The following CCNY variants were observed in gnomAD, a reference collection of about 807,000 sequenced individuals.
CCNY encodes the protein cyclin-Y.
In CCNY, 19 loss-of-function variants were observed where a neutral mutation model predicts 42.8. The observed-to-expected ratio is 0.44, with a 90% CI of 0.31 to 0.65. The LOEUF is 0.65. Among genes scored for constraint, CCNY ranks in the 30% least tolerant of loss-of-function variants. The pLI, the probability that CCNY is intolerant of heterozygous loss-of-function variation, is 0.07. For synonymous variants in CCNY, 165 were observed against 162.7 expected (o/e 1.01, Z -0.11); for missense variants, 370 against 437.3 (o/e 0.85, Z 1.37).
intron 2 of CCNY, among the ~76,000 whole-genome samples, chr10:35,488,732 G>A (rs1029937245): frequency 1.3e-5 from 2 of 152,026 alleles, no homozygotes; most frequent in Non-Finnish European, 2.9e-5. Flanking sequence ...GATTATAAAC[G>A]TTGATATTTT....
intron 3 of CCNY, among the ~76,000 whole-genome samples, chr10:35,257,205 T>TCCC (rs1167485639): frequency 8.4e-6 from 1 of 118,794 alleles, no homozygotes; most frequent in Admixed American, 7.8e-5. Flanking sequence ...TCTTTTTTCT[T>TCCC]TTCTTTTCTC....
chr10:35,515,582 C>G (rs902273310), intron 3 of CCNY, among the ~76,000 whole-genome samples: 1 of 152,148 alleles, frequency 6.6e-6, no homozygotes. Flanking sequence ...ACATTGTGAT[C>G]CCCAAGGGAT....
rs184990416 is a variant in CCNY at position 35,267,662 on chromosome 10, A to G, written c.-9+17036A>G. On this transcript the variant is annotated intron_variant, in intron 3 of 11. Transcript: ENST00000374706. ...CTGGTTGCTCCCTCTTGTGACAGAA[A>G]ACACTGCTTCCAAGTATCGATTCCC... is the stretch of plus-strand genomic sequence containing the variant. Among the ~76,000 whole-genome samples the G allele has an allele frequency of 3.3e-5, 5 of 152,268 alleles. No homozygotes were observed. In the East Asian group the frequency reaches 9.7e-4, roughly 29 times the overall value.
chr10:35,310,475 G>C (rs948491195), intron 3 of CCNY, among the ~76,000 whole-genome samples: 3 of 152,104 alleles, frequency 2.0e-5, no homozygotes, highest in African/African-American at 7.2e-5. Context: ...GTAGTTTTTT[G>C]AGGAACTTTC....
At position 35,259,819 on chromosome 10, in the gene CCNY, T is replaced by C. The variant is rs1436105823; in HGVS notation, c.-9+9193T>C. Among the ~76,000 whole-genome samples the C allele has an allele frequency of 3.3e-5, 5 of 151,582 alleles. No homozygotes were observed. In the East Asian group the frequency reaches 9.7e-4, roughly 29 times the overall value. ...GAGCCACTGGACCCAGCCCCAGTCC[T>C]ATTTTTTTTTTAATGTAGAAAAGAA... is the stretch of plus-strand genomic sequence containing the variant. On this transcript the variant is annotated intron_variant, in intron 3 of 11. Transcript: ENST00000374706.
At chr10:35,333,503 A>C (rs1487896876), upstream of CCNY, among the ~76,000 whole-genome samples, 6 of 152,318 alleles carry the variant, frequency 3.9e-5, no homozygotes, top group African/African-American at 1.4e-4. Context: ...GAGAAGTGAC[A>C]CTTGTTTTTT....
intron 1 of CCNY, among the ~76,000 whole-genome samples, chr10:35,430,112 C>T (rs1260053762): frequency 2.0e-5 from 3 of 151,232 alleles, no homozygotes; most frequent in Admixed American, 6.6e-5. Flanking sequence ...CCGAGGCGGG[C>T]GGATCACGAG....
At chr10:35,551,042 C>T (rs1841246066) in intron 7 of CCNY, among the ~76,000 whole-genome samples, 1 of 152,154 alleles carries the variant, frequency 6.6e-6, no homozygotes, top group South Asian at 2.1e-4. Flanking sequence ...TTTTACCAAC[C>T]TCTTCCTCCC....
intron 1 of CCNY, among the ~76,000 whole-genome samples, chr10:35,474,830 C>G (rs1283831964): frequency 1.3e-5 from 2 of 152,210 alleles, no homozygotes; most frequent in Non-Finnish European, 2.9e-5. Flanking sequence ...AAGAAGTCTT[C>G]AGACGATCAA....
rs538810892 is a variant in CCNY at position 35,275,881 on chromosome 10, C to T, written c.-9+25255C>T. ...CCATGGACCACACGGCCCCAGCCACCGCCGGTTTAGCAGGGAAGGCATGGT... is the reference window on the plus strand; with the variant it reads ...CCATGGACCACACGGCCCCAGCCACTGCCGGTTTAGCAGGGAAGGCATGGT... On this transcript the variant is annotated intron_variant, in intron 3 of 11. Coordinates refer to the CCNY transcript ENST00000374706. 1.8e-4 allele frequency among the ~76,000 whole-genome samples: 28 copies of T among 152,316 alleles called. No homozygotes were observed. The South Asian group carries it at 1.9e-3, about 10-fold the overall frequency.
At chr10:35,442,924 G>A (rs1006520477) in intron 1 of CCNY, among the ~76,000 whole-genome samples, 1 of 152,220 alleles carries the variant, frequency 6.6e-6, no homozygotes, top group African/African-American at 2.4e-5. Context: ...AGGCTGCATA[G>A]TATAGCCTGT....
intron 1 of CCNY, among the ~76,000 whole-genome samples, chr10:35,402,349 A>C (rs553098583): frequency 4.2e-4 from 64 of 152,358 alleles, no homozygotes; most frequent in Admixed American, 7.8e-4. Context: ...TTAAAGGACT[A>C]AGAATTGGGA....
intron 1 of CCNY, among the ~76,000 whole-genome samples, chr10:35,356,084 T>C (rs1055056119): frequency 1.3e-5 from 2 of 152,194 alleles, no homozygotes; most frequent in African/African-American, 4.8e-5. Context: ...TTCACTTCCA[T>C]GGCACTTTAA....
In CCNY at chr10:35,454,469, C is replaced by A. The variant is rs115395497; in HGVS notation, c.155-28935C>A. Reference sequence around the variant, plus strand: ...TCAACCAGGGTGAAATGCAGCTTTGCACTCTGACATTTGCCCCTTGAAAAC... The same window carrying A: ...TCAACCAGGGTGAAATGCAGCTTTGAACTCTGACATTTGCCCCTTGAAAAC... On this transcript the variant is annotated intron_variant, in intron 1 of 9. Coordinates refer to ENST00000374704, the MANE Select transcript of CCNY (RefSeq NM_145012.6). Among the ~76,000 whole-genome samples the A allele has an allele frequency of 3.3e-3, 503 of 152,356 alleles. 4 individuals are homozygous for A. Among genetic ancestry groups the A allele is most frequent in the African/African-American group, 0.011 (475 of 41,584 alleles).
intron 1 of CCNY, among the ~76,000 whole-genome samples, chr10:35,391,432 A>G (rs915112925): frequency 6.6e-6 from 1 of 152,212 alleles, no homozygotes; most frequent in African/African-American, 2.4e-5. Flanking sequence ...GATGACCGGA[A>G]TGAGTCAGGA....
intron 2 of CCNY, among the ~76,000 whole-genome samples, chr10:35,248,556 G>T (rs895923948): frequency 1.3e-5 from 2 of 152,172 alleles, no homozygotes; most frequent in Non-Finnish European, 2.9e-5. Context: ...TGAGGCAGGA[G>T]AATTGCTTGA....
chr10:35,363,849 A>C (rs1204671557), intron 1 of CCNY, among the ~76,000 whole-genome samples: 1 of 152,156 alleles, frequency 6.6e-6, no homozygotes, highest in African/African-American at 2.4e-5. Context: ...TTCAGAGTTG[A>C]CCCTGAGTCT....
intron 3 of CCNY, among the ~76,000 whole-genome samples, chr10:35,269,629 T>G (rs529658834): frequency 1.3e-4 from 17 of 134,942 alleles, no homozygotes; most frequent in African/African-American, 5.3e-4. Context: ...TTTTTTTTTT[T>G]TGTTTTGTTT....
At chr10:35,432,695 CAAA>C (rs921599729) in intron 1 of CCNY, among the ~76,000 whole-genome samples, 7 of 152,088 alleles carry the variant, frequency 4.6e-5, no homozygotes, top group Non-Finnish European at 1.0e-4. Flanking sequence ...AATATGAAAA[CAAA>C]AACAAGTTCA....
Sources: gnomAD v4.1 joint callset for allele counts (sites outside exome capture counted in the v4.1 genomes callset) on GRCh38, gnomAD v4.1.1 for gene constraint, MANE v1.5 for transcripts, NCBI Gene and HGNC (gene_info 2026-07-23, HGNC 2026-07-21) for gene names.